The following LTF variants were observed in gnomAD, a reference collection of about 807,000 sequenced individuals.
The protein encoded by LTF is epididymis luminal protein 110.
A neutral mutation model predicts 87.2 loss-of-function variants in LTF; 91 were observed. The ratio of observed to expected loss-of-function variants is 1.04; its 90% CI spans 0.88 to 1.24. The LOEUF is 1.24. Among genes scored for constraint, LTF ranks in the 50% most tolerant of loss-of-function variants. The probability of loss-of-function intolerance (pLI) is 0.00; values close to 1 mark genes in which losing one functional copy is unlikely to be tolerated. For synonymous variants in LTF, 378 were observed against 356.1 expected (o/e 1.06, Z -0.69); for missense variants, 901 against 904.3 (o/e 1.00, Z 0.05).
intron 10 of LTF, 71 bp downstream of exon 10, chr3:46,447,237 G>A (rs1212877671): frequency 3.1e-5 from 33 of 1,061,286 alleles, no homozygotes; most frequent in Admixed American, 1.0e-4. Flanking sequence ...TGCATTCACC[G>A]AATGGGATTA....
intron 1 of LTF, chr3:46,463,335 G>T (rs1353406269): frequency 2.4e-6 from 1 of 408,178 alleles, no homozygotes; most frequent in Non-Finnish European, 3.3e-6. Flanking sequence ...AGACTGCTCA[G>T]ACTGATGGGA....
At chr3:46,484,341 T>G (rs1482084152) in intron 1 of LTF, among the ~76,000 whole-genome samples, 2 of 152,168 alleles carry the variant, frequency 1.3e-5, no homozygotes, top group Non-Finnish European at 2.9e-5. Context: ...ACACTTACCA[T>G]AGGATGCTGC....
chr3:46,453,204 G>A lies in LTF; in HGVS notation c.703+1101C>T, dbSNP rs139692974. Among the ~76,000 whole-genome samples, 463 of 152,326 alleles carry A rather than the reference G, an allele frequency of 3.0e-3. 3 individuals carry two copies. The highest frequency in any genetic ancestry group is 0.011 in the African/African-American group (439 of 41,576). On this transcript the variant is annotated intron_variant, in intron 6 of 16. Transcript: ENST00000231751. ...TAAGAAAGGGAAGCCCAAACGGCTA[G>A]CAAATATGTTGAAATGATCAAACTC...
Position 46,459,837 on chromosome 3 carries a change from A to G in LTF, c.44-18T>C. 6.6e-7 allele frequency: 1 copy of G among 1,507,930 alleles called. No homozygotes were observed. The highest frequency in any genetic ancestry group is 8.8e-7 in the Non-Finnish European group (1 of 1,133,870). The allele number at this position is 1,507,930 out of a possible 1,614,324, so 93.4% of individuals were successfully genotyped here. A position where few individuals can be genotyped will look rare whatever the true frequency, so the allele number is the denominator to read the frequency against. On this transcript the variant is annotated intron_variant, in intron 1 of 16. Transcript: ENST00000231751. ...ACACAGTCCTGGGAGAGAGGGGCCA[A>G]GGAGTAAGGATTCAACCACTGACTG...
Position 46,459,773 on chromosome 3 carries a change from T to G in LTF, c.90A>C (p.Val30=), listed in dbSNP as rs960684970. The G allele has an allele frequency of 1.3e-6, 2 of 1,506,976 alleles. No homozygotes were observed. Among genetic ancestry groups the G allele is most frequent in the Non-Finnish European group, 1.8e-6 (2 of 1,140,514 alleles). The allele number at this position is 1,506,976 out of a possible 1,614,324, so 93.4% of individuals were successfully genotyped here. A position where few individuals can be genotyped will look rare whatever the true frequency, so the allele number is the denominator to read the frequency against. The change falls in exon 2 of 17, where the codon GTA becomes GTC. Residue 30 remains valine (V), a synonymous_variant. Coordinates refer to ENST00000231751, the MANE Select transcript of LTF (RefSeq NM_002343.6). ...AGCATTTTGTGGCCTCGGGTTGGGATACGGCGCACCACTGAACACTCCTCC... is the reference window on the plus strand; with the variant it reads ...AGCATTTTGTGGCCTCGGGTTGGGAGACGGCGCACCACTGAACACTCCTCC... ...GRRRSVQWCA[V]SQPEATKCFQ...
rs2106879772 is a variant in LTF at position 46,455,561 on chromosome 3, C to A, written c.500-119G>T. 3 of 1,313,464 alleles carry A rather than the reference C, an allele frequency of 2.3e-6. No individual in the cohort carries two copies. The East Asian group carries it at 7.4e-5, about 33-fold the overall frequency. The allele number at this position is 1,313,464 out of a possible 1,614,324, so 81.4% of individuals were successfully genotyped here. A position where few individuals can be genotyped will look rare whatever the true frequency, so the allele number is the denominator to read the frequency against. The stretch of plus-strand genomic sequence containing the variant: ...CCTTCCTCCACCCCTGCAGGAGAGA[C>A]TCTGTCATGGGGCTGGGAGCTCGAG... On this transcript the variant is annotated intron_variant, in intron 4 of 16. Transcript: ENST00000231751.
At position 46,445,310 on chromosome 3, in the gene LTF, A is replaced by G; in HGVS notation, c.1484T>C (p.Leu495Pro). The G allele has an allele frequency of 6.2e-7, 1 of 1,612,602 alleles. No homozygotes were observed. Among genetic ancestry groups the G allele is most frequent in the Non-Finnish European group, 8.5e-7 (1 of 1,179,356 alleles). The change falls in exon 12 of 17, where the codon CTC becomes CCC. Residue 495 changes from leucine to proline, a missense_variant. Physicochemically the swap from Leu to Pro is moderately conservative, Grantham distance 98. Transcript: ENST00000231751. ...TAGWNIPMGL[L>P]FNQTGSCKFD... ...TTTGCAGGAGCCCGTCTGGTTGAAGAGCAGGCCCATGGGGATATTCCAGCC... is the reference window on the plus strand; with the variant it reads ...TTTGCAGGAGCCCGTCTGGTTGAAGGGCAGGCCCATGGGGATATTCCAGCC...
intron 1 of LTF, among the ~76,000 whole-genome samples, chr3:46,462,287 G>C (rs1249416754): frequency 6.6e-6 from 1 of 152,174 alleles, no homozygotes; most frequent in Admixed American, 6.5e-5. Context: ...AAGAATGGTG[G>C]ATGTGTTAAA....
chr3:46,438,649 C>A (rs1702444836), intron 15 of LTF, among the ~76,000 whole-genome samples: 2 of 152,220 alleles, frequency 1.3e-5, no homozygotes, highest in Non-Finnish European at 1.5e-5. Flanking sequence ...TCAGTCACGG[C>A]AGCTCTCTCA....
intron 2 of LTF, among the ~76,000 whole-genome samples, chr3:46,458,210 T>C (rs1702988411): frequency 6.6e-6 from 1 of 152,252 alleles, no homozygotes; most frequent in African/African-American, 2.4e-5. Context: ...ACATTTTCTG[T>C]ATTTTAGAAT....
chr3:46,443,305 G>A (rs1158892936), intron 13 of LTF, 136 bp downstream of exon 13: 2 of 1,063,382 alleles, frequency 1.9e-6, no homozygotes, highest in African/African-American at 3.1e-5. Flanking sequence ...CCTCACTGGG[G>A]CCACCCATGA....
chr3:46,442,177 A>T (rs1192953803), intron 13 of LTF, among the ~76,000 whole-genome samples: 3 of 152,142 alleles, frequency 2.0e-5, no homozygotes, highest in Admixed American at 2.0e-4. Flanking sequence ...AGTACTGAAT[A>T]TGACATTAGC....
intron 16 of LTF, among the ~76,000 whole-genome samples, chr3:46,437,320 A>ATT (rs10667876): frequency 0.34 from 44,269 of 131,280 alleles, 7,914 homozygotes; most frequent in East Asian, 0.43. Flanking sequence ...CTAGAATCAG[A>ATT]TTTTTTTTTT....
chr3:46,437,023 A>G (rs1411986136), intron 16 of LTF, among the ~76,000 whole-genome samples: 1 of 152,158 alleles, frequency 6.6e-6, no homozygotes, highest in Non-Finnish European at 1.5e-5. Context: ...ACCGATAAAG[A>G]CATTTCTGGC....
intron 5 of LTF, 98 bp downstream of exon 5, chr3:46,455,197 A>G (rs917362501): frequency 4.8e-6 from 7 of 1,464,858 alleles, no homozygotes; most frequent in Admixed American, 1.7e-5. Flanking sequence ...CTCGTCCCCA[A>G]GAGCAGGCTG....
intron 10 of LTF, 121 bp from the exon 11 acceptor site, chr3:46,446,614 A>G (rs1360625968): frequency 7.9e-6 from 6 of 758,932 alleles, no homozygotes; most frequent in Non-Finnish European, 1.3e-5. Context: ...AGTTCCATGC[A>G]GGAGAAATGC....
chr3:46,452,542 G>A (rs1390963904), intron 6 of LTF, among the ~76,000 whole-genome samples: 1 of 152,186 alleles, frequency 6.6e-6, no homozygotes, highest in South Asian at 2.1e-4. Context: ...ATTTGAAAAG[G>A]AATAATAAAG....
In LTF at chr3:46,455,947, C is replaced by G; in HGVS notation, c.348G>C (p.Val116=). The change falls in exon 4 of 17, where the codon GTG becomes GTC. Residue 116 remains valine (V), a synonymous_variant. Transcript: ENST00000231751. The stretch of plus-strand genomic sequence containing the variant: ...GCTGAAAGCTGCCGCCCTTCTTCAC[C>G]ACAGCCACGGCATAATAGTGAGTTC... ...QPRTHYYAVA[V]VKKGGSFQLN... The G allele has an allele frequency of 6.2e-7, 1 of 1,607,410 alleles. No homozygotes were observed. Among genetic ancestry groups the G allele is most frequent in the South Asian group, 1.1e-5 (1 of 89,952 alleles).
At chr3:46,479,303 C>T (rs564449027) in intron 1 of LTF, among the ~76,000 whole-genome samples, 86 of 152,234 alleles carry the variant, frequency 5.6e-4, no homozygotes, top group African/African-American at 1.9e-3. Context: ...TGGGTTTGGC[C>T]GGAACCAAGT....
Sources: gnomAD v4.1 joint callset for allele counts (sites outside exome capture counted in the v4.1 genomes callset) on GRCh38, gnomAD v4.1.1 for gene constraint, MANE v1.5 for transcripts, NCBI Gene and HGNC (gene_info 2026-07-23, HGNC 2026-07-21) for gene names.